The following CASZ1 variants were observed in gnomAD, a reference collection of about 807,000 sequenced individuals.
CASZ1 encodes castor zinc finger 1.
CASZ1 carries 28 observed loss-of-function variants against 135.2 expected under a neutral mutation model. The observed-to-expected ratio is 0.21, with a 90% CI of 0.15 to 0.28. The LOEUF (loss-of-function observed/expected upper bound fraction) is 0.28. Ranked by LOEUF, CASZ1 falls within the 10% of genes least tolerant of loss-of-function variation. The pLI, the probability that CASZ1 is intolerant of heterozygous loss-of-function variation, is 1.00. For synonymous variants in CASZ1, 1,068 were observed against 1,073.4 expected (o/e 0.99, Z 0.10); for missense variants, 2,161 against 2,453.3 (o/e 0.88, Z 2.52).
chr1:10,746,408 G>A (rs752330166), intron 2 of CASZ1, among the ~76,000 whole-genome samples: 4 of 152,184 alleles, frequency 2.6e-5, no homozygotes, highest in Non-Finnish European at 4.4e-5. Context: ...GGCTGTAAAC[G>A]GCTCCAAGTC....
Position 10,647,241 on chromosome 1 carries a change from A to G in CASZ1, c.3497+560T>C, listed in dbSNP as rs1642389096. On this transcript the variant is annotated intron_variant, in intron 16 of 20. Transcript: ENST00000377022. This position sits in a 1 kb window ranked among gnomAD's most constrained non-coding sequence, Gnocchi z 4.9. Reference sequence around the variant, plus strand: ...ATAATCCAATTTATTACTTTTATTGAGAACAGGAAGCCGCACACATGACAA... The same window carrying G: ...ATAATCCAATTTATTACTTTTATTGGGAACAGGAAGCCGCACACATGACAA... The G allele has an allele frequency of 3.0e-6, 3 of 990,918 alleles. No homozygotes were observed. The highest frequency in any genetic ancestry group is 3.6e-6 in the Non-Finnish European group (3 of 832,892). 61.4% of individuals were successfully genotyped at this position (990,918 alleles called of 1,614,324 possible). A position where few individuals can be genotyped will look rare whatever the true frequency, so the allele number is the denominator to read the frequency against.
At chr1:10,669,951 T>A (rs1474645954) in intron 4 of CASZ1, among the ~76,000 whole-genome samples, 6 of 152,238 alleles carry the variant, frequency 3.9e-5, no homozygotes, top group Admixed American at 3.9e-4. Context: ...TTCTAAACAT[T>A]TCACTCAGTG....
Position 10,739,034 on chromosome 1 carries a change from CAGTCATAGGA to C in CASZ1, c.-77+21657_-77+21666del, listed in dbSNP as rs1639861348. On this transcript the variant is annotated intron_variant, in intron 2 of 20. Coordinates refer to ENST00000377022, the MANE Select transcript of CASZ1 (RefSeq NM_001079843.3). This position sits in a 1 kb window ranked among gnomAD's most constrained non-coding sequence, Gnocchi z 4.8. ...AGATTTGACTGGCTTCTCTGAGAAC[CAGTCATAGGA>C]AGCTTGGGCTCTGCTTCTTATTGAG... Among the ~76,000 whole-genome samples, 1 of 150,330 alleles carries C rather than the reference CAGTCATAGGA, an allele frequency of 6.7e-6. No individual in the cohort carries two copies. Among genetic ancestry groups the C allele is most frequent in the African/African-American group, 2.5e-5 (1 of 40,660 alleles).
In CASZ1 at chr1:10,693,897, T is replaced by G. The variant is rs1638846207; in HGVS notation, c.-8A>C. ...ACCTGTTCCAAGATCCATTCTCTTC[T>G]CCTTGGTCCCAAACTCTTCGCAGAA... On this transcript the variant is annotated 5_prime_UTR_variant, in exon 4 of 21. Transcript: ENST00000377022. The G allele has an allele frequency of 1.2e-6, 2 of 1,613,254 alleles. No individual in the cohort carries two copies. Among genetic ancestry groups the G allele is most frequent in the African/African-American group, 2.7e-5 (2 of 75,000 alleles).
chr1:10,643,024 AG>A, intron 19 of CASZ1, 24 bp from the exon 20 acceptor site: 1 of 1,608,994 alleles, frequency 6.2e-7, no homozygotes, highest in Non-Finnish European at 8.5e-7. Context: ...GGGGTCCCTG[AG>A]GAAGTGGGGC....
At chr1:10,705,046 G>A (rs1639143434) in intron 3 of CASZ1, among the ~76,000 whole-genome samples, 3 of 152,248 alleles carry the variant, frequency 2.0e-5, no homozygotes, top group African/African-American at 7.2e-5. Flanking sequence ...AGGAGCGAAG[G>A]CAGGACTGGG....
chr1:10,662,393 C>T (rs776687046), intron 5 of CASZ1, among the ~76,000 whole-genome samples: 4 of 151,964 alleles, frequency 2.6e-5, no homozygotes, highest in Non-Finnish European at 4.4e-5. Flanking sequence ...ACCCACACAC[C>T]CAATCACGTG....
At chr1:10,746,198 C>A (rs1273354210) in intron 2 of CASZ1, among the ~76,000 whole-genome samples, 2 of 152,188 alleles carry the variant, frequency 1.3e-5, no homozygotes, top group Non-Finnish European at 2.9e-5. Flanking sequence ...AAGAGAGTGA[C>A]AAGGAGGCAG....
intron 4 of CASZ1, among the ~76,000 whole-genome samples, chr1:10,670,387 C>T (rs1479483714): frequency 1.3e-5 from 2 of 152,226 alleles, no homozygotes; most frequent in Non-Finnish European, 2.9e-5. Context: ...TTCAACCCCA[C>T]CTGTGTCCCC....
Position 10,694,537 on chromosome 1 carries a change from C to A in CASZ1, c.-23-625G>T, listed in dbSNP as rs1638871556. 7.0e-6 allele frequency: 1 copy of A among 143,766 alleles called. No homozygotes were observed. Among genetic ancestry groups the A allele is most frequent in the Non-Finnish European group, 1.5e-5 (1 of 65,334 alleles). The allele number at this position is 143,766 out of a possible 1,614,324, so 8.9% of individuals were successfully genotyped here. A position where few individuals can be genotyped will look rare whatever the true frequency, so the allele number is the denominator to read the frequency against. On this transcript the variant is annotated intron_variant, in intron 3 of 20. Transcript: ENST00000377022. This position sits in a 1 kb window ranked among gnomAD's most constrained non-coding sequence, Gnocchi z 6.6. ...CAGGGCGGCCGCGGCGCCGCCTCCTCGGCCCGGCCCGCGCCGGCCCCGGCA... is the reference window on the plus strand; with the variant it reads ...CAGGGCGGCCGCGGCGCCGCCTCCTAGGCCCGGCCCGCGCCGGCCCCGGCA...
At chr1:10,790,549 C>T (rs116747119) in intron 1 of CASZ1, among the ~76,000 whole-genome samples, 183 of 152,294 alleles carry the variant, frequency 1.2e-3, no homozygotes, top group African/African-American at 3.9e-3. Flanking sequence ...CAGACTGGCT[C>T]GGCCTTCTCT....
chr1:10,748,245 C>T (rs1488389255), intron 2 of CASZ1, among the ~76,000 whole-genome samples: 14 of 152,236 alleles, frequency 9.2e-5, no homozygotes, highest in Admixed American at 2.6e-4. Flanking sequence ...GGTGGCAGGC[C>T]GAGCCCTGTG....
At position 10,775,123 on chromosome 1, in the gene CASZ1, G is replaced by A. The variant is rs186601221; in HGVS notation, c.-233-14266C>T. Among the ~76,000 whole-genome samples the A allele has an allele frequency of 7.9e-5, 12 of 152,140 alleles. No individual in the cohort carries two copies. In the East Asian group the frequency reaches 1.2e-3, roughly 15 times the overall value. ...CTGGGCAATACACACGGCAGACTCC[G>A]CCAGACATTAGAACACTTGTTCGGT... is the stretch of plus-strand genomic sequence containing the variant. On this transcript the variant is annotated intron_variant, in intron 1 of 20. Transcript: ENST00000377022.
In CASZ1 at chr1:10,794,559, G is replaced by C. The variant is rs1369433182; in HGVS notation, c.-234+2005C>G. ...CCGCACCCGCACCGTAGCCAGCGTGGCTGGAAGGAGGTCCTCGCCGCGCCC... is the reference window on the plus strand; with the variant it reads ...CCGCACCCGCACCGTAGCCAGCGTGCCTGGAAGGAGGTCCTCGCCGCGCCC... On this transcript the variant is annotated intron_variant, in intron 1 of 20. Coordinates refer to ENST00000377022, the MANE Select transcript of CASZ1 (RefSeq NM_001079843.3). This position sits in a 1 kb window ranked among gnomAD's most constrained non-coding sequence, Gnocchi z 5.6. Among the ~76,000 whole-genome samples, 2 of 152,094 alleles carry C rather than the reference G, an allele frequency of 1.3e-5. No homozygotes were observed. The highest frequency in any genetic ancestry group is 2.9e-5 in the Non-Finnish European group (2 of 68,010).
chr1:10,764,786 C>T (rs917174048), intron 1 of CASZ1, among the ~76,000 whole-genome samples: 9 of 152,194 alleles, frequency 5.9e-5, no homozygotes, highest in African/African-American at 2.2e-4. Context: ...AGTGCTCACA[C>T]GTCACAATGA....
At chr1:10,752,008 T>C (rs1640159336) in intron 2 of CASZ1, among the ~76,000 whole-genome samples, 1 of 152,036 alleles carries the variant, frequency 6.6e-6, no homozygotes, top group African/African-American at 2.4e-5. Context: ...CCATCAAGCT[T>C]TCCACTCCAG....
intron 3 of CASZ1, among the ~76,000 whole-genome samples, chr1:10,702,229 G>A (rs555237210): frequency 6.6e-6 from 1 of 152,216 alleles, no homozygotes; most frequent in African/African-American, 2.4e-5. Context: ...TCACCCTCTT[G>A]CCTTGGCTTC....
intron 7 of CASZ1, chr1:10,658,165 G>A (rs1410436679): frequency 3.5e-5 from 9 of 257,752 alleles, no homozygotes; most frequent in Admixed American, 1.3e-4. Flanking sequence ...ACAGTTTCAC[G>A]GTGGCCTGCA....
chr1:10,667,683 C>T (rs1445766195), intron 4 of CASZ1, among the ~76,000 whole-genome samples: 2 of 152,166 alleles, frequency 1.3e-5, no homozygotes, highest in Non-Finnish European at 2.9e-5. Flanking sequence ...CTATTTTTAC[C>T]AGGAGGTAAG....
Sources: gnomAD v4.1 joint callset for allele counts (sites outside exome capture counted in the v4.1 genomes callset) on GRCh38, gnomAD v4.1.1 for gene constraint, Gnocchi (gnomAD v3.1) non-coding constraint, MANE v1.5 for transcripts, NCBI Gene and HGNC (gene_info 2026-07-23, HGNC 2026-07-21) for gene names.